The following MON2 variants were observed in gnomAD, a reference collection of about 807,000 sequenced individuals.
The protein encoded by MON2 is MON2 regulator of endosome-to-Golgi trafficking, also known as protein MON2 homolog.
In MON2, 84 loss-of-function variants were observed where a neutral mutation model predicts 208.6. That is an observed-to-expected ratio of 0.40 (90% CI 0.34 to 0.48). The LOEUF is 0.48. Among genes scored for constraint, MON2 ranks in the 20% least tolerant of loss-of-function variants. The pLI is 0.59. For missense variants in MON2, 1,611 were observed against 2,015.4 expected (o/e 0.80, Z 3.84); for synonymous variants, 660 against 694.0 (o/e 0.95, Z 0.77).
chr12:62,548,747 C>T (rs2073609067), intron 22 of MON2, among the ~76,000 whole-genome samples: 1 of 152,144 alleles, frequency 6.6e-6, no homozygotes, highest in South Asian at 2.1e-4. Context: ...ATGTGACATA[C>T]TAAGCACTCA....
At chr12:62,590,963 TTTTAA>T (rs1285834029) in intron 34 of MON2, among the ~76,000 whole-genome samples, 1 of 152,232 alleles carries the variant, frequency 6.6e-6, no homozygotes, top group Non-Finnish European at 1.5e-5. Context: ...CTAAAACATA[TTTTAA>T]TTTAAGAAAT....
At chr12:62,493,206 T>G (rs2070277330) in intron 2 of MON2, among the ~76,000 whole-genome samples, 1 of 152,196 alleles carries the variant, frequency 6.6e-6, no homozygotes. Flanking sequence ...TTTTGTAAAT[T>G]TAATTATGTG....
intron 24 of MON2, among the ~76,000 whole-genome samples, chr12:62,555,753 G>A (rs183866719): frequency 1.1e-4 from 17 of 149,866 alleles, no homozygotes; most frequent in Non-Finnish European, 2.1e-4. Context: ...AGGTTGCAGT[G>A]AGGCGAGATT....
intron 34 of MON2, among the ~76,000 whole-genome samples, chr12:62,591,891 A>G (rs1157831449): frequency 6.6e-6 from 1 of 152,224 alleles, no homozygotes; most frequent in Non-Finnish European, 1.5e-5. Flanking sequence ...TCTAAAAAAA[A>G]TCTTGCATAT....
At chr12:62,543,003 A>G in intron 19 of MON2, 94 bp from the exon 20 acceptor site, 2 of 653,432 alleles carry the variant, frequency 3.1e-6, no homozygotes, top group Non-Finnish European at 5.1e-6. Context: ...TTTTAATTTC[A>G]GTCATGCTCT....
rs865856103 is a variant in MON2 at position 62,593,850 on chromosome 12, T to G, written c.*1101T>G. 1.3e-5 allele frequency: 2 copies of G among 152,308 alleles called. No homozygotes were observed. The highest frequency in any genetic ancestry group is 3.4e-3 in the Middle Eastern group (1 of 294). 9.4% of individuals were successfully genotyped at this position (152,308 alleles called of 1,614,324 possible). A position where few individuals can be genotyped will look rare whatever the true frequency, so the allele number is the denominator to read the frequency against. On this transcript the variant is annotated 3_prime_UTR_variant, in exon 35 of 35. Transcript: ENST00000393630. ...AAAAATACCTATGTTAACTCACAAG[T>G]ATAAAATATGTGTGTATTATAAAAC...
chr12:62,552,195 G>A (rs1029257464), intron 23 of MON2, among the ~76,000 whole-genome samples: 1 of 152,020 alleles, frequency 6.6e-6, no homozygotes, highest in African/African-American at 2.4e-5. Context: ...GTATGCAGTG[G>A]GAGGTCCTGA....
In MON2 at chr12:62,585,090, CACACACACACACACACACACAA is replaced by C. The variant is rs1000853574; in HGVS notation, c.4700-202_4700-181del. 5.4e-5 allele frequency among the ~76,000 whole-genome samples: 6 copies of C among 110,398 alleles called. 1 individual carries two copies. In the South Asian group the frequency reaches 1.8e-3, roughly 33 times the overall value. 72.4% of individuals were successfully genotyped at this position (110,398 alleles called of 152,430 possible). A position where few individuals can be genotyped will look rare whatever the true frequency, so the allele number is the denominator to read the frequency against. On this transcript the variant is annotated intron_variant, in intron 32 of 34. Transcript: ENST00000393630. The stretch of plus-strand genomic sequence containing the variant: ...GCACACACACACACACACACACACA[CACACACACACACACACACACAA>C]AACAAAAAAAAACAAAAAAAAAACA...
chr12:62,483,331 C>G (rs2069559422), intron 1 of MON2, among the ~76,000 whole-genome samples: 1 of 152,248 alleles, frequency 6.6e-6, no homozygotes, highest in African/African-American at 2.4e-5. Context: ...CTTGCCAGTA[C>G]TGCCCGCTAA....
In MON2 at chr12:62,535,760, T is replaced by C. The variant is rs781095740; in HGVS notation, c.1900+51T>C. The C allele has an allele frequency of 4.4e-6, 6 of 1,362,854 alleles. No homozygotes were observed. In the East Asian group the frequency reaches 9.8e-5, roughly 22 times the overall value. 84.4% of individuals were successfully genotyped at this position (1,362,854 alleles called of 1,614,324 possible). ...CTCTATGTAGTGGGATGATATGGTGTAGACAGAAGATTATAAACATCTGAG... is the reference window on the plus strand; with the variant it reads ...CTCTATGTAGTGGGATGATATGGTGCAGACAGAAGATTATAAACATCTGAG... On this transcript the variant is annotated intron_variant, in intron 14 of 34. Transcript: ENST00000393630.
chr12:62,540,267 G>C (rs2073175914), intron 19 of MON2, among the ~76,000 whole-genome samples: 1 of 152,030 alleles, frequency 6.6e-6, no homozygotes, highest in Non-Finnish European at 1.5e-5. Context: ...AAGCTACTTG[G>C]TTCATAGTTA....
chr12:62,553,392 T>G, intron 24 of MON2: 1 of 432,032 alleles, frequency 2.3e-6, no homozygotes, highest in East Asian at 3.7e-5. Flanking sequence ...CATCTCTTAT[T>G]ATTATATCTC....
chr12:62,557,692 A>G (rs917696429), intron 25 of MON2, among the ~76,000 whole-genome samples: 1 of 151,808 alleles, frequency 6.6e-6, no homozygotes, highest in African/African-American at 2.4e-5. Context: ...ATTTTTGTAT[A>G]TTGTTCTTTA....
chr12:62,578,114 C>T (rs1483217194), intron 30 of MON2, among the ~76,000 whole-genome samples: 2 of 152,260 alleles, frequency 1.3e-5, no homozygotes, highest in East Asian at 3.9e-4. Context: ...TCAGGTAACA[C>T]CACAATGGTA....
intron 8 of MON2, among the ~76,000 whole-genome samples, chr12:62,515,080 G>A (rs1042856325): frequency 6.6e-6 from 1 of 152,126 alleles, no homozygotes; most frequent in Non-Finnish European, 1.5e-5. Flanking sequence ...CAGTATGGAG[G>A]TTCCTCAAAA....
chr12:62,501,949 C>T (rs1005882345), intron 7 of MON2, among the ~76,000 whole-genome samples: 28 of 151,952 alleles, frequency 1.8e-4, no homozygotes, highest in Admixed American at 6.6e-4. Context: ...AGGCTGGGCG[C>T]GGTGGCTCAC....
intron 1 of MON2, among the ~76,000 whole-genome samples, chr12:62,480,248 A>G (rs1293611048): frequency 1.3e-5 from 2 of 152,186 alleles, no homozygotes; most frequent in Non-Finnish European, 2.9e-5. Context: ...CTTTTAAAAT[A>G]CCATTTTGGA....
chr12:62,592,225 C>G (rs922433230), intron 34 of MON2, among the ~76,000 whole-genome samples: 1 of 152,152 alleles, frequency 6.6e-6, no homozygotes, highest in Admixed American at 6.6e-5. Flanking sequence ...AAGTTATTTT[C>G]TAATTCTTGA....
intron 11 of MON2, 131 bp downstream of exon 11, chr12:62,526,233 C>T (rs1258315780): frequency 1.6e-5 from 14 of 859,560 alleles, no homozygotes; most frequent in South Asian, 5.0e-5. Context: ...CATTTTCTTT[C>T]GTCATATTTT....
Sources: allele counts gnomAD v4.1 joint callset (sites outside exome capture counted in the v4.1 genomes callset), GRCh38; gene constraint gnomAD v4.1.1; transcripts MANE v1.5; gene names NCBI Gene and HGNC (gene_info 2026-07-23, HGNC 2026-07-21).